The following GABRA5 variants were observed in gnomAD, a reference collection of about 807,000 sequenced individuals.
GABRA5 encodes gamma-aminobutyric acid type A receptor subunit alpha5, also known as gamma-aminobutyric acid receptor subunit alpha-5.
A neutral mutation model predicts 47.3 loss-of-function variants in GABRA5; 18 were observed. The ratio of observed to expected loss-of-function variants is 0.38; its 90% CI spans 0.26 to 0.56. The LOEUF is 0.56. Ranked by LOEUF, GABRA5 falls within the 20% of genes least tolerant of loss-of-function variation. The pLI is 0.71. For missense variants in GABRA5, 365 were observed against 599.3 expected (o/e 0.61, Z 4.08); for synonymous variants, 237 against 229.3 (o/e 1.03, Z -0.30).
In GABRA5 at chr15:26,917,746, T is replaced by G. The variant is rs558671131; in HGVS notation, c.580+2861T>G. On this transcript the variant is annotated intron_variant, in intron 7 of 10. Coordinates refer to ENST00000335625, the MANE Select transcript of GABRA5 (RefSeq NM_000810.4). ...ATAGATTCAACTTCCTTACTAGTTA[T>G]TGATCTATTTAGACTTCCTATTTCT... Among the ~76,000 whole-genome samples the G allele has an allele frequency of 3.3e-5, 5 of 152,192 alleles. No homozygotes were observed. The East Asian group carries it at 9.6e-4, about 29-fold the overall frequency.
intron 6 of GABRA5, among the ~76,000 whole-genome samples, chr15:26,897,961 T>A (rs1181699129): frequency 6.6e-6 from 1 of 152,116 alleles, no homozygotes; most frequent in African/African-American, 2.4e-5. Flanking sequence ...AGCTCAATAA[T>A]TTAAACGACA....
intron 6 of GABRA5, among the ~76,000 whole-genome samples, chr15:26,885,711 T>C (rs753872287): frequency 3.9e-5 from 6 of 152,168 alleles, no homozygotes; most frequent in Non-Finnish European, 7.3e-5. Flanking sequence ...GAATAAGTCC[T>C]TAGCCATCAG....
At position 26,906,658 on chromosome 15, in the gene GABRA5, C is replaced by T. The variant is rs182244820; in HGVS notation, c.498-8145C>T. On this transcript the variant is annotated intron_variant, in intron 6 of 10. Transcript: ENST00000335625. ...CTTTGAATTTTATTGTGAGAAAGAACCTTTTTTGTGGATTTGTGCTGTTTC... is the reference window on the plus strand; with the variant it reads ...CTTTGAATTTTATTGTGAGAAAGAATCTTTTTTGTGGATTTGTGCTGTTTC... Among the ~76,000 whole-genome samples the T allele has an allele frequency of 8.5e-5, 13 of 152,148 alleles. 1 individual carries two copies. The East Asian group carries it at 2.5e-3, about 29-fold the overall frequency.
At position 26,945,079 on chromosome 15, in the gene GABRA5, T is replaced by C. The variant is rs75029241; in HGVS notation, c.1089+1653T>C. Among the ~76,000 whole-genome samples, 1,292 of 152,312 alleles carry C rather than the reference T, an allele frequency of 8.5e-3. 22 individuals are homozygous for C. The highest frequency in any genetic ancestry group is 0.029 in the African/African-American group (1,219 of 41,562). The stretch of plus-strand genomic sequence containing the variant: ...GAGGATGAAAGTGACCTGCACTGTC[T>C]AATCCGAGGAGAGAAAGGGTCTTCT... On this transcript the variant is annotated intron_variant, in intron 10 of 10. Coordinates refer to ENST00000335625, the MANE Select transcript of GABRA5 (RefSeq NM_000810.4).
chr15:26,895,169 A>G (rs2140273290), intron 6 of GABRA5, among the ~76,000 whole-genome samples: 1 of 151,100 alleles, frequency 6.6e-6, no homozygotes, highest in East Asian at 2.0e-4. Flanking sequence ...CCACGTCCTG[A>G]CCCCACCTGC....
At chr15:26,890,770 T>C (rs1328791580) in intron 6 of GABRA5, among the ~76,000 whole-genome samples, 1 of 152,174 alleles carries the variant, frequency 6.6e-6, no homozygotes, top group Non-Finnish European at 1.5e-5. Context: ...TAATTCCATA[T>C]ACTCCCTGTC....
chr15:26,934,128 T>C (rs771765416), intron 7 of GABRA5, among the ~76,000 whole-genome samples: 2 of 151,762 alleles, frequency 1.3e-5, no homozygotes, highest in Non-Finnish European at 2.9e-5. Flanking sequence ...GGCAGGTACC[T>C]GTAATCCCAG....
chr15:26,943,297 G>A lies in GABRA5; in HGVS notation c.960G>A (p.Met320Ile). 1 of 1,581,014 alleles carries A rather than the reference G, an allele frequency of 6.3e-7. No homozygotes were observed. The highest frequency in any genetic ancestry group is 8.6e-7 in the Non-Finnish European group (1 of 1,163,762). Reference sequence around the variant, plus strand: ...CCAAAGTGGCCTACGCCACCGCCATGGACTGGTTCATAGCCGTGTGCTATG... The same window carrying A: ...CCAAAGTGGCCTACGCCACCGCCATAGACTGGTTCATAGCCGTGTGCTATG... ...SLPKVAYATA[M>I]DWFIAVCYAF... The change falls in exon 10 of 11, where the codon ATG becomes ATA. Residue 320 changes from methionine (M) to isoleucine (I), a missense_variant. Physicochemically the swap from Met to Ile is conservative, Grantham distance 10. Transcript: ENST00000335625.
chr15:26,897,081 C>T (rs1893214816), intron 6 of GABRA5, among the ~76,000 whole-genome samples: 2 of 151,912 alleles, frequency 1.3e-5, no homozygotes, highest in South Asian at 4.2e-4. Flanking sequence ...TTTATGACAG[C>T]ACCTATGGAA....
chr15:26,937,378 C>A, intron 8 of GABRA5, 50 bp downstream of exon 8: 2 of 1,531,802 alleles, frequency 1.3e-6, no homozygotes, highest in Non-Finnish European at 1.8e-6. Context: ...GGACACCACA[C>A]CCTTGGAGAG....
intron 10 of GABRA5, among the ~76,000 whole-genome samples, chr15:26,944,474 T>G (rs748574949): frequency 1.3e-5 from 2 of 152,176 alleles, no homozygotes; most frequent in Admixed American, 6.5e-5. Flanking sequence ...GGACCCATTC[T>G]GGGTGCTCTC....
intron 6 of GABRA5, among the ~76,000 whole-genome samples, chr15:26,910,148 A>T (rs1893545747): frequency 6.6e-6 from 1 of 151,932 alleles, no homozygotes; most frequent in African/African-American, 2.4e-5. Flanking sequence ...ACAATTAGTT[A>T]ATAGCAAAGC....
intron 7 of GABRA5, among the ~76,000 whole-genome samples, chr15:26,921,666 A>G (rs1397707880): frequency 6.6e-6 from 1 of 151,284 alleles, no homozygotes; most frequent in Non-Finnish European, 1.5e-5. Flanking sequence ...TTTTTTGTAG[A>G]TTCTCAAGGT....
intron 3 of GABRA5, among the ~76,000 whole-genome samples, chr15:26,873,668 G>C (rs1566862185): frequency 6.6e-6 from 1 of 152,290 alleles, no homozygotes; most frequent in Admixed American, 6.5e-5. Context: ...AGGTACTCAT[G>C]ATATCTTTTT....
At chr15:26,900,541 A>C (rs1049830082) in intron 6 of GABRA5, among the ~76,000 whole-genome samples, 1 of 152,164 alleles carries the variant, frequency 6.6e-6, no homozygotes, top group African/African-American at 2.4e-5. Flanking sequence ...ATTTTTTAAA[A>C]GAATTTCATT....
chr15:26,869,867 A>G (rs146757894), intron 3 of GABRA5, among the ~76,000 whole-genome samples: 4 of 152,380 alleles, frequency 2.6e-5, no homozygotes, highest in East Asian at 1.9e-4. Flanking sequence ...AGGTGCCTGA[A>G]GATCTGAAAG....
chr15:26,872,348 T>C (rs1484869245), intron 3 of GABRA5, among the ~76,000 whole-genome samples: 1 of 152,154 alleles, frequency 6.6e-6, no homozygotes, highest in African/African-American at 2.4e-5. Context: ...GGAGGGAGGA[T>C]GAATGCCTAA....
chr15:26,914,860 C>T lies in GABRA5; in HGVS notation c.555C>T (p.His185=), dbSNP rs140643363. The T allele has an allele frequency of 1.4e-5, 23 of 1,613,942 alleles. No homozygotes were observed. The highest frequency in any genetic ancestry group is 1.3e-4 in the African/African-American group (10 of 75,052). The change falls in exon 7 of 11, where the codon CAC becomes CAT. Residue 185 remains histidine (H), a synonymous_variant. Coordinates refer to ENST00000335625, the MANE Select transcript of GABRA5 (RefSeq NM_000810.4). ...MQLEDFPMDA[H]ACPLKFGSYA... The stretch of plus-strand genomic sequence containing the variant: ...TTGAGGACTTCCCGATGGATGCGCA[C>T]GCTTGCCCTCTGAAATTTGGCAGCT...
intron 6 of GABRA5, among the ~76,000 whole-genome samples, chr15:26,907,394 T>G (rs1893470492): frequency 6.6e-6 from 1 of 152,224 alleles, no homozygotes; most frequent in Non-Finnish European, 1.5e-5. Flanking sequence ...GTACACTTTA[T>G]TCTTCTAGCT....
Sources: gnomAD v4.1 joint callset for allele counts (sites outside exome capture counted in the v4.1 genomes callset) on GRCh38, gnomAD v4.1.1 for gene constraint, MANE v1.5 for transcripts, NCBI Gene and HGNC (gene_info 2026-07-23, HGNC 2026-07-21) for gene names.